The following DPP6 variants were observed in gnomAD, a reference collection of about 807,000 sequenced individuals.
DPP6 encodes the protein dipeptidyl peptidase like 6.
A neutral mutation model predicts 122.6 loss-of-function variants in DPP6; 69 were observed. The observed-to-expected ratio is 0.56, with a 90% CI of 0.46 to 0.69. The LOEUF is 0.69. Among genes scored for constraint, DPP6 ranks in the 30% least tolerant of loss-of-function variants. DPP6 has a pLI of 0.00. For synonymous variants in DPP6, 418 were observed against 433.1 expected (o/e 0.97, Z 0.43); for missense variants, 928 against 1,116.9 (o/e 0.83, Z 2.41).
intron 1 of DPP6, among the ~76,000 whole-genome samples, chr7:154,410,971 A>G (rs1210286377): frequency 1.3e-5 from 2 of 152,358 alleles, no homozygotes; most frequent in Non-Finnish European, 1.5e-5. Context: ...ACATGTATCT[A>G]CAAGTAGGTT....
At chr7:154,054,590 C>T (rs12670419) in intron 1 of DPP6, among the ~76,000 whole-genome samples, 37,882 of 151,942 alleles carry the variant, frequency 0.25, 4,949 homozygotes, top group East Asian at 0.42. Flanking sequence ...CATTCAAAGG[C>T]ATGTCCCTCA....
chr7:154,588,188 C>T, intron 5 of DPP6: 11 of 1,495,584 alleles, frequency 7.4e-6, no homozygotes, highest in Non-Finnish European at 9.8e-6. Context: ...CATCCTATCC[C>T]TGGTCACTGG....
At chr7:154,772,075 C>T (rs796920712) in intron 9 of DPP6, among the ~76,000 whole-genome samples, 26 of 152,270 alleles carry the variant, frequency 1.7e-4, no homozygotes, top group African/African-American at 5.8e-4. Flanking sequence ...TTACAGTGAA[C>T]TCTCAGAAGG....
chr7:154,445,919 T>C (rs1331447506), intron 1 of DPP6, among the ~76,000 whole-genome samples: 3 of 152,174 alleles, frequency 2.0e-5, no homozygotes, highest in Non-Finnish European at 1.5e-5. Flanking sequence ...GTCTGGTTTA[T>C]TGGGAGGAGG....
chr7:154,570,622 C>A (rs908762258), intron 5 of DPP6, among the ~76,000 whole-genome samples: 1 of 152,156 alleles, frequency 6.6e-6, no homozygotes, highest in Non-Finnish European at 1.5e-5. Flanking sequence ...GTGAAATATC[C>A]TAATAACGTT....
In DPP6 at chr7:154,797,597, TCATAGA is replaced by T. The variant is rs530096530; in HGVS notation, c.1299+1717_1299+1722del. The stretch of plus-strand genomic sequence containing the variant: ...TATAAAATATCCAGAATAAATAAAC[TCATAGA>T]CACAGAAAGCTGATCAGTGGTGTCC... On this transcript the variant is annotated intron_variant, in intron 12 of 25. Transcript: ENST00000377770. Among the ~76,000 whole-genome samples the T allele has an allele frequency of 2.5e-4, 38 of 152,224 alleles. No homozygotes were observed. The East Asian group carries it at 5.4e-3, about 22-fold the overall frequency.
chr7:154,004,273 A>G (rs1217667251), intron 1 of DPP6, among the ~76,000 whole-genome samples: 1 of 152,222 alleles, frequency 6.6e-6, no homozygotes, highest in Non-Finnish European at 1.5e-5. Flanking sequence ...CTGCACAGCT[A>G]CTGGAGGAGC....
At chr7:153,845,346 A>G in the DPP6 span, among the ~76,000 whole-genome samples, 1 of 152,060 alleles carries the variant, frequency 6.6e-6, no homozygotes, top group Non-Finnish European at 1.5e-5. Flanking sequence ...CGTTTCATAA[A>G]TAAAGCTTAT....
chr7:154,005,828 T>TG (rs1039001017), intron 1 of DPP6, among the ~76,000 whole-genome samples: 6 of 152,056 alleles, frequency 3.9e-5, no homozygotes, highest in African/African-American at 1.5e-4. Flanking sequence ...GCTGCAAGCA[T>TG]GAGCTTCTAA....
intron 10 of DPP6, among the ~76,000 whole-genome samples, chr7:154,779,067 T>A (rs373563296): frequency 1.7e-3 from 1 of 592 alleles, no homozygotes; most frequent in Non-Finnish European, 3.7e-3. Flanking sequence ...ATCACCACCA[T>A]CACCTCCATC....
In DPP6 at chr7:154,892,563, G is replaced by C; in HGVS notation, c.*83G>C. On this transcript the variant is annotated 3_prime_UTR_variant, in exon 26 of 26. Transcript: ENST00000377770. ...ATTTCCCTGCCCTCCCTCTTCCCTC[G>C]GAGGGGCGGGGCGGGGCGGGGCCGG... The C allele has an allele frequency of 6.3e-7, 1 of 1,583,554 alleles. No individual in the cohort carries two copies.
At chr7:153,988,597 A>G (rs1796964332) in intron 1 of DPP6, among the ~76,000 whole-genome samples, 1 of 152,190 alleles carries the variant, frequency 6.6e-6, no homozygotes, top group South Asian at 2.1e-4. Flanking sequence ...TGAGTCAAGG[A>G]GGGCATCGGG....
chr7:153,767,157 C>T, the DPP6 span, among the ~76,000 whole-genome samples: 1 of 152,176 alleles, frequency 6.6e-6, no homozygotes, highest in South Asian at 2.1e-4. Context: ...AGAAATTCCT[C>T]CTTGATTATC....
At chr7:153,781,669 T>A in the DPP6 span, among the ~76,000 whole-genome samples, 1 of 151,930 alleles carries the variant, frequency 6.6e-6, no homozygotes, top group East Asian at 1.9e-4. Context: ...TTTATATTGA[T>A]GAGATGCATG....
intron 1 of DPP6, among the ~76,000 whole-genome samples, chr7:153,918,768 C>G (rs573966997): frequency 6.6e-6 from 1 of 151,886 alleles, no homozygotes; most frequent in African/African-American, 2.4e-5. Context: ...TCACTTGAGG[C>G]CAGGAGTTCA....
chr7:153,965,910 G>A (rs181824740), intron 1 of DPP6, among the ~76,000 whole-genome samples: 9 of 151,842 alleles, frequency 5.9e-5, no homozygotes, highest in South Asian at 2.1e-4. Context: ...AGATGGGGCC[G>A]GTGTTCATTT....
At chr7:154,178,311 A>G (rs1797906972) in intron 1 of DPP6, among the ~76,000 whole-genome samples, 1 of 152,116 alleles carries the variant, frequency 6.6e-6, no homozygotes. Context: ...ACTCTGAAAT[A>G]ACCAAGGCCT....
At chr7:154,292,076 G>T (rs183464297) in intron 1 of DPP6, among the ~76,000 whole-genome samples, 1 of 152,240 alleles carries the variant, frequency 6.6e-6, no homozygotes, top group African/African-American at 2.4e-5. Flanking sequence ...CGTCAATTTA[G>T]TCCTTACTCT....
At chr7:154,356,971 T>C (rs1811319706) in intron 1 of DPP6, among the ~76,000 whole-genome samples, 1 of 152,166 alleles carries the variant, frequency 6.6e-6, no homozygotes, top group African/African-American at 2.4e-5. Context: ...CAATATTACA[T>C]TGAATTTTGG....
Sources: allele counts gnomAD v4.1 joint callset (sites outside exome capture counted in the v4.1 genomes callset), GRCh38; gene constraint gnomAD v4.1.1; transcripts MANE v1.5; gene names NCBI Gene and HGNC (gene_info 2026-07-23, HGNC 2026-07-21).